The following L1TD1 variants were observed in gnomAD, a reference collection of about 807,000 sequenced individuals.
L1TD1 encodes the protein LINE-1 type transposase domain-containing protein 1.
In L1TD1, 26 loss-of-function variants were observed where a neutral mutation model predicts 25.7. That is an observed-to-expected ratio of 1.01 (90% confidence interval 0.74 to 1.40). L1TD1 has a LOEUF of 1.40. Among genes scored for constraint, L1TD1 ranks in the 40% most tolerant of loss-of-function variants. The pLI, the probability that L1TD1 is intolerant of heterozygous loss-of-function variation, is 0.00. For synonymous variants in L1TD1, 421 were observed against 335.6 expected (o/e 1.25, Z -2.78); for missense variants, 1,130 against 975.0 (o/e 1.16, Z -2.12).
At position 62,207,541 on chromosome 1, in the gene L1TD1, C is replaced by T; in HGVS notation, c.913C>T (p.Gln305Ter). 6.4e-7 allele frequency: 1 copy of T among 1,550,610 alleles called. No homozygotes were observed. The highest frequency in any genetic ancestry group is 8.7e-7 in the Non-Finnish European group (1 of 1,146,666). Residue 305 changes from glutamine to a stop codon, truncating the protein, a stop_gained, in exon 3 of 4, where the codon CAA (glutamine) becomes TAA (stop). Transcript: ENST00000498273. LOFTEE classifies it high-confidence loss of function. ...GCAAAGCCTTAGAAAATTTGCCAGC[C>T]AAAAATCTTCTGTGAAAGAATTACT... ...DLQSLRKFAS[Q>*]KSSVKELLKD...
chr1:62,198,275 G>C lies in L1TD1; in HGVS notation c.-111+1747G>C, dbSNP rs115971431. Among the ~76,000 whole-genome samples the C allele has an allele frequency of 4.8e-3, 724 of 151,588 alleles. 4 individuals carry two copies. Among genetic ancestry groups the C allele is most frequent in the African/African-American group, 0.017 (686 of 41,340 alleles). On this transcript the variant is annotated intron_variant, in intron 2 of 3. Coordinates refer to ENST00000498273, the MANE Select transcript of L1TD1 (RefSeq NM_019079.5). The stretch of plus-strand genomic sequence containing the variant: ...TTGGTCCCTGGAGTTTGTGACCAGC[G>C]AACAGTGATCACACCACTGCTTGCC...
rs1259366654 is a variant in L1TD1, at chr1:62,206,626, ACAATGT to A, written c.-1_5del. 1 of 1,497,862 alleles carries A rather than the reference ACAATGT, an allele frequency of 6.7e-7. No homozygotes were observed. Among genetic ancestry groups the A allele is most frequent in the Admixed American group, 2.5e-5 (1 of 40,506 alleles). The allele number at this position is 1,497,862 out of a possible 1,614,324, so 92.8% of individuals were successfully genotyped here. Reference sequence around the variant, plus strand: ...AGAATCCAGTCTTGACAACATATCCACAATGTCTGATGTATCTACTAGTGTACAATC... The same window carrying A: ...AGAATCCAGTCTTGACAACATATCCACTGATGTATCTACTAGTGTACAATC... On this transcript the variant is annotated start_lost and 5_prime_UTR_variant, in exon 3 of 4. Transcript: ENST00000498273.
chr1:62,205,805 C>T (rs2149100696), intron 2 of L1TD1, among the ~76,000 whole-genome samples: 1 of 152,116 alleles, frequency 6.6e-6, no homozygotes, highest in Admixed American at 6.5e-5. Flanking sequence ...AATCACAGCT[C>T]ACTGCAGTCT....
In L1TD1 at chr1:62,211,093, A is replaced by G; in HGVS notation, c.2319A>G (p.Ile773Met). ...GGAATTCTAGTGATAAAGAGAAAAT[A>G]ATAAGGGCTTCTAGAGAGAGAAGAG... Reference protein sequence around the residue: ...KFWNSSDKEKIIRASRERREI... With the variant: ...KFWNSSDKEKMIRASRERREI... Residue 773 changes from isoleucine to methionine, a missense_variant, in exon 4 of 4, where the codon ATA (isoleucine) becomes ATG (methionine). By Grantham distance (10) the Ile-to-Met change is conservative. Coordinates refer to ENST00000498273, the MANE Select transcript of L1TD1 (RefSeq NM_019079.5). The G allele has an allele frequency of 6.4e-7, 1 of 1,550,674 alleles. No individual in the cohort carries two copies. Among genetic ancestry groups the G allele is most frequent in the Non-Finnish European group, 8.7e-7 (1 of 1,146,822 alleles).
Position 62,210,617 on chromosome 1 carries a change from G to T in L1TD1, c.1843G>T (p.Glu615Ter). The T allele has an allele frequency of 6.3e-7, 1 of 1,599,168 alleles. No individual in the cohort carries two copies. Among genetic ancestry groups the T allele is most frequent in the East Asian group, 2.3e-5 (1 of 43,980 alleles). ...KEADLTEETE[E>*]NLRSSVINSI... is the part of the protein sequence containing the mutation. ...AGCAGACTTAACAGAGGAAACAGAA[G>T]AAAACTTGAGAAGTAGTGTGATTAA... Residue 615 changes from glutamate to a stop codon, truncating the protein, a stop_gained, in exon 4 of 4, where the codon GAA becomes TAA. Coordinates refer to ENST00000498273, the MANE Select transcript of L1TD1 (RefSeq NM_019079.5). LOFTEE classifies it low-confidence loss of function (END_TRUNC).
rs1370215728 is a variant in L1TD1 at position 62,205,413 on chromosome 1, CTCTCTATA to C, written c.-110-1104_-110-1097del. Reference sequence around the variant, plus strand: ...TTTCTCTCTCTCTCTCTCTCTCTCTCTCTCTATATATATATATATATATATATATATTT... The same window carrying C: ...TTTCTCTCTCTCTCTCTCTCTCTCTCTATATATATATATATATATATATTT... On this transcript the variant is annotated intron_variant, in intron 2 of 3. Coordinates refer to ENST00000498273, the MANE Select transcript of L1TD1 (RefSeq NM_019079.5). Among the ~76,000 whole-genome samples, 31 of 30,508 alleles carry C rather than the reference CTCTCTATA, an allele frequency of 1.0e-3. 1 individual carries two copies. Among genetic ancestry groups the C allele is most frequent in the East Asian group, 3.1e-3 (2 of 652 alleles). 20.0% of individuals were successfully genotyped at this position (30,508 alleles called of 152,430 possible).
Position 62,207,516 on chromosome 1 carries a change from G to A in L1TD1, c.888G>A (p.Leu296=). The change falls in exon 3 of 4, where the codon CTG becomes CTA. Residue 296 remains leucine (L), a synonymous_variant. Transcript: ENST00000498273. The part of the protein sequence containing the change: ...CDGEIKTFSD[L]QSLRKFASQK... ...GTGAAATAAAGACATTTTCAGATCTGCAAAGCCTTAGAAAATTTGCCAGCC... is the reference window on the plus strand; with the variant it reads ...GTGAAATAAAGACATTTTCAGATCTACAAAGCCTTAGAAAATTTGCCAGCC... 3.9e-6 allele frequency: 6 copies of A among 1,551,436 alleles called. No homozygotes were observed. Among genetic ancestry groups the A allele is most frequent in the Non-Finnish European group, 5.2e-6 (6 of 1,146,908 alleles).
chr1:62,207,458 T>C lies in L1TD1; in HGVS notation c.830T>C (p.Leu277Pro). 1 of 1,551,134 alleles carries C rather than the reference T, an allele frequency of 6.4e-7. No homozygotes were observed. Among genetic ancestry groups the C allele is most frequent in the Non-Finnish European group, 8.7e-7 (1 of 1,146,658 alleles). ...GAAAATGATTTTGAACCTAAATTTC[T>C]GTGTGAAGTTAAATTAGCATTTAAA... Reference protein sequence around the residue: ...LRENDFEPKFLCEVKLAFKCD... With the variant: ...LRENDFEPKFPCEVKLAFKCD... Residue 277 changes from leucine (L) to proline (P), a missense_variant, in exon 3 of 4, where the codon CTG becomes CCG. Leu to Pro is a moderately conservative substitution (Grantham distance 98). Transcript: ENST00000498273.
intron 2 of L1TD1, among the ~76,000 whole-genome samples, chr1:62,198,538 C>T (rs1368299622): frequency 6.6e-6 from 1 of 151,892 alleles, no homozygotes; most frequent in East Asian, 1.9e-4. Flanking sequence ...CGCCCCACCC[C>T]GCCGATAAGA....
intron 2 of L1TD1, among the ~76,000 whole-genome samples, chr1:62,205,731 A>G (rs924577962): frequency 6.6e-6 from 1 of 151,756 alleles, no homozygotes; most frequent in South Asian, 2.1e-4. Context: ...GTGCCTGCCT[A>G]ACAATATTAT....
chr1:62,206,626 A>ACAATG lies in L1TD1; in HGVS notation c.-2_3dup. On this transcript the variant is annotated 5_prime_UTR_variant, in exon 3 of 4. The change creates a new upstream start codon in the 5' untranslated region. Coordinates refer to ENST00000498273, the MANE Select transcript of L1TD1 (RefSeq NM_019079.5). ...AGAATCCAGTCTTGACAACATATCC[A>ACAATG]CAATGTCTGATGTATCTACTAGTGT... 1 of 1,497,862 alleles carries ACAATG rather than the reference A, an allele frequency of 6.7e-7. No individual in the cohort carries two copies. The highest frequency in any genetic ancestry group is 8.9e-7 in the Non-Finnish European group (1 of 1,123,662). 92.8% of individuals were successfully genotyped at this position (1,497,862 alleles called of 1,614,324 possible).
chr1:62,204,593 A>G (rs1277185416), intron 2 of L1TD1, among the ~76,000 whole-genome samples: 12 of 152,146 alleles, frequency 7.9e-5, no homozygotes, highest in Non-Finnish European at 1.5e-4. Flanking sequence ...TTTTAGAAAC[A>G]GCGTCTCACT....
intron 3 of L1TD1, among the ~76,000 whole-genome samples, chr1:62,208,841 C>A: frequency 6.6e-6 from 1 of 152,292 alleles, no homozygotes; most frequent in Non-Finnish European, 1.5e-5. Context: ...TCTCCTCTGC[C>A]TTTCCAACAT....
intron 2 of L1TD1, among the ~76,000 whole-genome samples, chr1:62,199,878 A>T (rs1670609326): frequency 6.6e-6 from 1 of 152,172 alleles, no homozygotes; most frequent in Non-Finnish European, 1.5e-5. Context: ...ACTGGCTGTA[A>T]TCAGGGTGTT....
At chr1:62,205,567 T>G (rs13374682) in intron 2 of L1TD1, among the ~76,000 whole-genome samples, 84,626 of 148,334 alleles carry the variant, frequency 0.57, 24,434 homozygotes, top group Non-Finnish European at 0.6. Context: ...GAGTAGCTGG[T>G]ATTACAGGCA....
chr1:62,205,439 A>ATTTT (rs1297750882), intron 2 of L1TD1, among the ~76,000 whole-genome samples: 1 of 44,234 alleles, frequency 2.3e-5, no homozygotes, highest in African/African-American at 8.6e-5. Flanking sequence ...ATATATATAT[A>ATTTT]TATATTTTTT....
At chr1:62,203,982 T>A (rs1193568927) in intron 2 of L1TD1, among the ~76,000 whole-genome samples, 1 of 152,208 alleles carries the variant, frequency 6.6e-6, no homozygotes, top group East Asian at 1.9e-4. Flanking sequence ...TGCCTTGGCC[T>A]CCCAAGGTGC....
At chr1:62,195,295 C>A (rs964785133) in intron 1 of L1TD1, among the ~76,000 whole-genome samples, 1 of 152,200 alleles carries the variant, frequency 6.6e-6, no homozygotes, top group East Asian at 1.9e-4. Flanking sequence ...GGCAGTTGGC[C>A]CCCTCACTTG....
chr1:62,206,856 C>A lies in L1TD1; in HGVS notation c.228C>A (p.Asp76Glu). The change falls in exon 3 of 4, where the codon GAC becomes GAA. Residue 76 changes from aspartate (D) to glutamate (E), a missense_variant. Asp to Glu is a conservative substitution (Grantham distance 45). Coordinates refer to ENST00000498273, the MANE Select transcript of L1TD1 (RefSeq NM_019079.5). ...AGATGAGGGAAACTCTTAAAAATGA[C>A]CTAAAAGCAGTTTTAGGGGGAAAAG... ...FEEMRETLKN[D>E]LKAVLGGKAT... is the part of the protein sequence containing the mutation. 1 of 1,612,714 alleles carries A rather than the reference C, an allele frequency of 6.2e-7. No individual in the cohort carries two copies. Among genetic ancestry groups the A allele is most frequent in the Non-Finnish European group, 8.5e-7 (1 of 1,179,528 alleles).
Sources: gnomAD v4.1 joint callset for allele counts (sites outside exome capture counted in the v4.1 genomes callset) on GRCh38, gnomAD v4.1.1 for gene constraint, MANE v1.5 for transcripts, NCBI Gene and HGNC (gene_info 2026-07-23, HGNC 2026-07-21) for gene names.